CACNA2D3: variants seen among roughly 807,000 people sequenced by gnomAD.
CACNA2D3 encodes the protein calcium voltage-gated channel auxiliary subunit alpha2delta 3, also known as voltage-dependent calcium channel subunit alpha-2/delta-3.
CACNA2D3 carries 60 observed loss-of-function variants against 160.6 expected under a neutral mutation model. The observed-to-expected ratio is 0.37, with a 90% CI of 0.30 to 0.46. The LOEUF (loss-of-function observed/expected upper bound fraction) is 0.46, where lower values mean the gene tolerates loss of function less well. Ranked by LOEUF, CACNA2D3 falls within the 20% of genes least tolerant of loss-of-function variation. CACNA2D3 has a pLI of 1.00. For synonymous variants in CACNA2D3, 558 were observed against 492.9 expected (o/e 1.13, Z -1.75); for missense variants, 1,205 against 1,365.0 (o/e 0.88, Z 1.85).
chr3:54,687,486 T>C (rs972050056), intron 11 of CACNA2D3, among the ~76,000 whole-genome samples: 2 of 151,968 alleles, frequency 1.3e-5, no homozygotes, highest in African/African-American at 4.8e-5. Context: ...TTTTCTAAGT[T>C]TTTTTTAAGG....
rs536064247 is a variant in CACNA2D3 at position 55,006,358 on chromosome 3, C to A, written c.2767-1432C>A. Among the ~76,000 whole-genome samples, 164 of 152,290 alleles carry A rather than the reference C, an allele frequency of 1.1e-3. 1 individual carries two copies. Among genetic ancestry groups the A allele is most frequent in the Admixed American group, 1.8e-3 (28 of 15,294 alleles). ...GCTTCTGGCCCTCTTTCCCCCGCAA[C>A]CTCCAAAGCTTCCTTAATCCTTTTA... On this transcript the variant is annotated intron_variant, in intron 32 of 37. Coordinates refer to ENST00000474759, the MANE Select transcript of CACNA2D3 (RefSeq NM_018398.3).
intron 11 of CACNA2D3, among the ~76,000 whole-genome samples, chr3:54,730,890 A>C (rs72872275): frequency 2.8e-4 from 43 of 152,322 alleles, no homozygotes; most frequent in African/African-American, 9.6e-4. Context: ...TTACCGAAAC[A>C]AAATTAATTT....
chr3:54,391,559 G>C (rs914641192), intron 4 of CACNA2D3, among the ~76,000 whole-genome samples: 1 of 150,036 alleles, frequency 6.7e-6, no homozygotes, highest in East Asian at 2.0e-4. Flanking sequence ...CACCCAGACC[G>C]GAGTGCAGTG....
At chr3:54,811,691 G>A (rs1387545952) in intron 13 of CACNA2D3, among the ~76,000 whole-genome samples, 1 of 151,788 alleles carries the variant, frequency 6.6e-6, no homozygotes, top group Non-Finnish European at 1.5e-5. Context: ...AGTAGAGACA[G>A]GGTTTCGCCA....
intron 35 of CACNA2D3, among the ~76,000 whole-genome samples, chr3:55,049,531 T>C (rs1195054887): frequency 7.1e-6 from 1 of 141,308 alleles, no homozygotes; most frequent in African/African-American, 2.8e-5. Context: ...CAGTATGTGG[T>C]CAATTTTGGA....
chr3:54,647,619 A>G (rs1699677161), intron 11 of CACNA2D3, among the ~76,000 whole-genome samples: 1 of 152,186 alleles, frequency 6.6e-6, no homozygotes, highest in Non-Finnish European at 1.5e-5. Flanking sequence ...CAAGAAAGGG[A>G]AAGCAGAAGG....
chr3:54,203,215 A>T (rs1044849388), intron 2 of CACNA2D3, among the ~76,000 whole-genome samples: 6 of 152,318 alleles, frequency 3.9e-5, no homozygotes, highest in African/African-American at 1.2e-4. Context: ...TGAAAGCCTG[A>T]ACAGAACAAA....
intron 9 of CACNA2D3, among the ~76,000 whole-genome samples, chr3:54,601,227 A>T (rs1386222207): frequency 6.6e-6 from 1 of 152,184 alleles, no homozygotes; most frequent in Non-Finnish European, 1.5e-5. Context: ...TTGTAGAGAC[A>T]GTATCTCACT....
At chr3:54,310,524 T>C (rs1324744927) in intron 2 of CACNA2D3, among the ~76,000 whole-genome samples, 1 of 152,200 alleles carries the variant, frequency 6.6e-6, no homozygotes, top group East Asian at 1.9e-4. Flanking sequence ...TATGGACTTC[T>C]AGCAACCAAT....
chr3:54,678,636 G>A (rs946592224), intron 11 of CACNA2D3, among the ~76,000 whole-genome samples: 3 of 144,818 alleles, frequency 2.1e-5, no homozygotes, highest in Non-Finnish European at 3.0e-5. Context: ...CAGAAGAATC[G>A]CTTGAAGCCG....
In CACNA2D3 at chr3:54,286,763, G is replaced by A. The variant is rs565242684; in HGVS notation, c.205-33679G>A. Among the ~76,000 whole-genome samples the A allele has an allele frequency of 4.0e-3, 602 of 152,188 alleles. 8 individuals are homozygous for A. The highest frequency in any genetic ancestry group is 0.013 in the African/African-American group (558 of 41,506). The stretch of plus-strand genomic sequence containing the variant: ...ACTCTACAAGCCAGAAGAGAGTGGG[G>A]GCCAATATTCAACATTCTTAAAGAA... On this transcript the variant is annotated intron_variant, in intron 2 of 37. Transcript: ENST00000474759.
At chr3:54,943,427 C>T (rs568808706) in intron 27 of CACNA2D3, among the ~76,000 whole-genome samples, 12 of 152,170 alleles carry the variant, frequency 7.9e-5, no homozygotes, top group Admixed American at 3.9e-4. Context: ...CTTTTTACAC[C>T]GGCTCATCCT....
intron 31 of CACNA2D3, among the ~76,000 whole-genome samples, chr3:54,991,218 T>C (rs1311446364): frequency 6.6e-6 from 1 of 151,010 alleles, no homozygotes; most frequent in Non-Finnish European, 1.5e-5. Context: ...TCAAAAAGTG[T>C]CGAGTATTTT....
At chr3:54,989,157 G>C (rs555482470) in intron 31 of CACNA2D3, among the ~76,000 whole-genome samples, 1 of 152,212 alleles carries the variant, frequency 6.6e-6, no homozygotes, top group African/African-American at 2.4e-5. Flanking sequence ...TTGGTGGGGG[G>C]AGGAGACAAA....
intron 17 of CACNA2D3, among the ~76,000 whole-genome samples, chr3:54,855,921 C>T (rs1195621400): frequency 1.3e-5 from 2 of 152,202 alleles, no homozygotes; most frequent in African/African-American, 4.8e-5. Context: ...GCCCTGTCAC[C>T]CCTCCTTTGT....
At chr3:54,294,839 C>A (rs1005958940) in intron 2 of CACNA2D3, among the ~76,000 whole-genome samples, 1 of 152,164 alleles carries the variant, frequency 6.6e-6, no homozygotes, top group Non-Finnish European at 1.5e-5. Context: ...CTTGCCACTG[C>A]TGGTGGCCTT....
intron 3 of CACNA2D3, among the ~76,000 whole-genome samples, chr3:54,320,781 A>G (rs1336417021): frequency 2.0e-5 from 3 of 152,194 alleles, no homozygotes; most frequent in Non-Finnish European, 4.4e-5. Flanking sequence ...TGGTAAATGT[A>G]TGCCTTCAGC....
intron 27 of CACNA2D3, among the ~76,000 whole-genome samples, chr3:54,911,351 C>CTT (rs58289082): frequency 2.6e-4 from 15 of 58,580 alleles, no homozygotes; most frequent in South Asian, 1.8e-3. Flanking sequence ...TCTTTGTCGT[C>CTT]TTTTTTTTTT....
intron 18 of CACNA2D3, among the ~76,000 whole-genome samples, chr3:54,873,424 G>A (rs1408955444): frequency 6.6e-6 from 1 of 151,762 alleles, no homozygotes; most frequent in African/African-American, 2.4e-5. Flanking sequence ...TGACCTCACT[G>A]AATCGTCTCC....
Sources: allele counts gnomAD v4.1 joint callset (sites outside exome capture counted in the v4.1 genomes callset), GRCh38; gene constraint gnomAD v4.1.1; transcripts MANE v1.5; gene names NCBI Gene and HGNC (gene_info 2026-07-23, HGNC 2026-07-21).